Variants in NBAS observed in about 807,000 individuals in gnomAD.
NBAS encodes NAG/BC035112 fusion.
In NBAS, 219 loss-of-function variants were observed where a neutral mutation model predicts 302.5. The observed-to-expected ratio is 0.72, with a 90% CI of 0.65 to 0.81. The LOEUF (loss-of-function observed/expected upper bound fraction) is 0.81. NBAS is among the 30% of genes least tolerant of loss of function. The probability of loss-of-function intolerance (pLI) is 0.00; values close to 1 mark genes in which losing one functional copy is unlikely to be tolerated. For synonymous variants in NBAS, 1,118 were observed against 1,021.6 expected, an observed-to-expected ratio of 1.09 and a Z score of -1.80; for missense variants, 2,932 against 2,841.6, an observed-to-expected ratio of 1.03 and a Z score of -0.72.
the NBAS span, among the ~76,000 whole-genome samples, chr2:14,796,919 C>CAAAAAAAAAAA: frequency 6.9e-5 from 6 of 86,472 alleles, no homozygotes; most frequent in Non-Finnish European, 1.4e-4. Flanking sequence ...CTAAAAAATA[C>CAAAAAAAAAAA]AAAAAAAAAA....
chr2:15,177,114 T>C (rs140226742), intron 51 of NBAS, among the ~76,000 whole-genome samples: 76 of 152,270 alleles, frequency 5.0e-4, no homozygotes, highest in African/African-American at 1.6e-3. Flanking sequence ...TCTTAGCAAT[T>C]TATACCTGTG....
chr2:15,258,289 G>T (rs756453850), intron 44 of NBAS, among the ~76,000 whole-genome samples: 13 of 152,066 alleles, frequency 8.5e-5, no homozygotes, highest in Non-Finnish European at 1.5e-4. Flanking sequence ...ATGTGTGTTT[G>T]AACAATATGA....
At chr2:14,876,084 A>C in the NBAS span, among the ~76,000 whole-genome samples, 1 of 152,026 alleles carries the variant, frequency 6.6e-6, no homozygotes, top group Non-Finnish European at 1.5e-5. Context: ...GATGGGATTG[A>C]CCTCTGCCAT....
chr2:15,248,822 GCCTC>G (rs1369514860), intron 44 of NBAS, among the ~76,000 whole-genome samples: 1 of 152,194 alleles, frequency 6.6e-6, no homozygotes, highest in African/African-American at 2.4e-5. Context: ...GCAATTAATA[GCCTC>G]CCAACCAAAA....
intron 28 of NBAS, among the ~76,000 whole-genome samples, chr2:15,387,968 A>G (rs947725294): frequency 2.6e-5 from 4 of 152,182 alleles, no homozygotes; most frequent in African/African-American, 7.2e-5. Flanking sequence ...AACACAGTAA[A>G]TATTTTCTGA....
the NBAS span, among the ~76,000 whole-genome samples, chr2:15,112,669 T>C: frequency 6.6e-6 from 1 of 152,016 alleles, no homozygotes; most frequent in Non-Finnish European, 1.5e-5. Flanking sequence ...AAGAAAATAA[T>C]GTTGTCATCA....
the NBAS span, among the ~76,000 whole-genome samples, chr2:14,957,832 C>A: frequency 6.6e-6 from 1 of 152,260 alleles, no homozygotes; most frequent in African/African-American, 2.4e-5. Context: ...TGAGTGCCAA[C>A]TCAGTCCGAG....
chr2:15,279,451 A>G (rs933750314), intron 42 of NBAS, among the ~76,000 whole-genome samples: 8 of 152,168 alleles, frequency 5.3e-5, no homozygotes, highest in Admixed American at 3.9e-4. Context: ...TCTCTCTCCC[A>G]GCAGCAATAA....
the NBAS span, among the ~76,000 whole-genome samples, chr2:15,080,614 T>C: frequency 2.6e-5 from 4 of 152,236 alleles, no homozygotes; most frequent in Non-Finnish European, 5.9e-5. Context: ...GTTTTCTGCT[T>C]CATAAGCCAT....
chr2:15,272,327 C>A (rs1323625326), intron 44 of NBAS, among the ~76,000 whole-genome samples: 1 of 152,110 alleles, frequency 6.6e-6, no homozygotes, highest in African/African-American at 2.4e-5. Context: ...ATGAATAGTA[C>A]ACATTTATTT....
At position 15,268,837 on chromosome 2, in the gene NBAS, T is replaced by G. The variant is rs576583829; in HGVS notation, c.5724+6647A>C. 2.0e-5 allele frequency among the ~76,000 whole-genome samples: 3 copies of G among 152,342 alleles called. No homozygotes were observed. In the East Asian group the frequency reaches 5.8e-4, roughly 29 times the overall value. On this transcript the variant is annotated intron_variant, in intron 44 of 51. Coordinates refer to ENST00000281513, the MANE Select transcript of NBAS (RefSeq NM_015909.4). The stretch of plus-strand genomic sequence containing the variant: ...CTGATTCCTCTGTCTCTTAACTGAT[T>G]GCAACTTGAGAATGGACAATGACAA...
chr2:15,537,574 C>T (rs1227106375), intron 7 of NBAS, among the ~76,000 whole-genome samples: 1 of 152,126 alleles, frequency 6.6e-6, no homozygotes, highest in Non-Finnish European at 1.5e-5. Context: ...AGTCAGGAGT[C>T]CAAGACCCAG....
At chr2:15,144,049 A>ATATATATATATATATATTATCC in the NBAS span, among the ~76,000 whole-genome samples, 4 of 86,254 alleles carry the variant, frequency 4.6e-5, no homozygotes, top group Non-Finnish European at 8.1e-5. Context: ...ATATATAAAA[A>ATATATATATATATATATTATCC]TATATATATA....
intron 35 of NBAS, among the ~76,000 whole-genome samples, chr2:15,332,031 C>G: frequency 6.6e-6 from 1 of 152,134 alleles, no homozygotes; most frequent in South Asian, 2.1e-4. Context: ...GAACTCAACC[C>G]ACAGTTGTTG....
chr2:14,924,150 A>G, the NBAS span, among the ~76,000 whole-genome samples: 5 of 152,344 alleles, frequency 3.3e-5, no homozygotes, highest in African/African-American at 1.2e-4. Context: ...CCGAAGAGTA[A>G]AGAGATTTTG....
intron 35 of NBAS, among the ~76,000 whole-genome samples, chr2:15,331,794 T>A (rs1672364781): frequency 6.6e-6 from 1 of 152,230 alleles, no homozygotes; most frequent in Non-Finnish European, 1.5e-5. Flanking sequence ...AGCCATATCC[T>A]AATCCCTAGA....
the NBAS span, among the ~76,000 whole-genome samples, chr2:14,823,116 G>C: frequency 1.6e-4 from 24 of 152,094 alleles, no homozygotes; most frequent in African/African-American, 5.6e-4. Flanking sequence ...TCTTATTCCC[G>C]TCAGGACCCT....
chr2:15,388,567 G>A (rs1359258025), intron 28 of NBAS, among the ~76,000 whole-genome samples: 1 of 23,590 alleles, frequency 4.2e-5, no homozygotes, highest in Non-Finnish European at 1.4e-4. Context: ...TTGAAAAACT[G>A]TTTGGCAGAA....
At chr2:15,175,750 G>A (rs747278617) in intron 51 of NBAS, among the ~76,000 whole-genome samples, 8 of 152,132 alleles carry the variant, frequency 5.3e-5, no homozygotes, top group Non-Finnish European at 8.8e-5. Flanking sequence ...CTGCAATTTC[G>A]GAAAAGCTTA....
Sources: allele counts gnomAD v4.1 joint callset (sites outside exome capture counted in the v4.1 genomes callset), GRCh38; gene constraint gnomAD v4.1.1; transcripts MANE v1.5; gene names NCBI Gene and HGNC (gene_info 2026-07-23, HGNC 2026-07-21).